The following BEND5 variants were observed in gnomAD, a reference collection of about 807,000 sequenced individuals.
The protein encoded by BEND5 is BEN domain-containing protein 5.
In BEND5, 22 loss-of-function variants were observed where a neutral mutation model predicts 43.9. That is an observed-to-expected ratio of 0.50 (90% CI 0.36 to 0.72). BEND5 has a LOEUF of 0.72. Among genes scored for constraint, BEND5 ranks in the 30% least tolerant of loss-of-function variants. The pLI, the probability that BEND5 is intolerant of heterozygous loss-of-function variation, is 0.00. For synonymous variants in BEND5, 228 were observed against 225.9 expected (o/e 1.01, Z -0.08); for missense variants, 428 against 550.6 (o/e 0.78, Z 2.23).
intron 1 of BEND5, 34 bp from the exon 2 acceptor site, chr1:48,761,504 T>G (rs1236580290): frequency 1.3e-6 from 2 of 1,538,524 alleles, no homozygotes; most frequent in Non-Finnish European, 1.8e-6. Context: ...AGGTTCATCA[T>G]GAGTTAAAAT....
At chr1:48,766,861 C>G (rs1405963099) in intron 1 of BEND5, among the ~76,000 whole-genome samples, 1 of 152,128 alleles carries the variant, frequency 6.6e-6, no homozygotes, top group Non-Finnish European at 1.5e-5. Context: ...TTTACTGTTC[C>G]TGTTTTGATT....
chr1:48,759,754 C>T (rs947216412), intron 2 of BEND5, among the ~76,000 whole-genome samples: 7 of 152,310 alleles, frequency 4.6e-5, no homozygotes, highest in Non-Finnish European at 1.0e-4. Flanking sequence ...TAAAATTCCT[C>T]CCCTAAAGGC....
chr1:48,743,965 A>G (rs1373002992), intron 3 of BEND5, among the ~76,000 whole-genome samples: 8 of 152,196 alleles, frequency 5.3e-5, no homozygotes, highest in Admixed American at 5.2e-4. Flanking sequence ...TAAGAATGAA[A>G]CTTGCACAAA....
intron 4 of BEND5, among the ~76,000 whole-genome samples, chr1:48,741,748 A>G (rs1649942272): frequency 6.6e-6 from 1 of 152,228 alleles, no homozygotes; most frequent in South Asian, 2.1e-4. Context: ...TTGAAGCATG[A>G]GGCAAGAAAA....
intron 1 of BEND5, among the ~76,000 whole-genome samples, chr1:48,763,580 A>C (rs1644384997): frequency 1.3e-5 from 2 of 152,110 alleles, no homozygotes; most frequent in Non-Finnish European, 2.9e-5. Flanking sequence ...AAGCTCCTGG[A>C]CTAGTCTTCA....
chr1:48,775,244 A>T (rs1645019814), intron 1 of BEND5, among the ~76,000 whole-genome samples: 1 of 152,150 alleles, frequency 6.6e-6, no homozygotes, highest in African/African-American at 2.4e-5. Flanking sequence ...AGAGCCTGTC[A>T]AAAAGGGTCC....
intron 3 of BEND5, among the ~76,000 whole-genome samples, chr1:48,750,639 ACAGGGCT>A (rs1172142185): frequency 2.0e-5 from 3 of 152,346 alleles, no homozygotes; most frequent in African/African-American, 7.2e-5. Flanking sequence ...CGTGCCTAGC[ACAGGGCT>A]CGGAACAGAG....
chr1:48,735,891 C>T (rs1274709754), intron 5 of BEND5, among the ~76,000 whole-genome samples: 2 of 152,148 alleles, frequency 1.3e-5, no homozygotes, highest in African/African-American at 2.4e-5. Flanking sequence ...CCTAGTCTGC[C>T]GTATTCTTCA....
intron 1 of BEND5, among the ~76,000 whole-genome samples, chr1:48,776,404 A>G (rs557344072): frequency 6.6e-6 from 1 of 152,350 alleles, no homozygotes; most frequent in South Asian, 2.1e-4. Flanking sequence ...CGGGGAAGAC[A>G]AAGGGGACCA....
intron 3 of BEND5, among the ~76,000 whole-genome samples, chr1:48,755,443 C>A (rs374075079): frequency 6.6e-6 from 1 of 152,186 alleles, no homozygotes; most frequent in African/African-American, 2.4e-5. Flanking sequence ...TTGAGCTAGG[C>A]CCCTAGCTGA....
chr1:48,771,902 G>C (rs913083442), intron 1 of BEND5, among the ~76,000 whole-genome samples: 1 of 152,230 alleles, frequency 6.6e-6, no homozygotes, highest in African/African-American at 2.4e-5. Context: ...AGTTGAGGGA[G>C]TGATAAAGAA....
chr1:48,761,067 C>T (rs1280952105), intron 2 of BEND5: 6 of 329,790 alleles, frequency 1.8e-5, no homozygotes, highest in East Asian at 5.5e-5. Flanking sequence ...AGAAACACAC[C>T]GTTCCAAACC....
intron 3 of BEND5, among the ~76,000 whole-genome samples, chr1:48,748,206 C>T (rs904509473): frequency 6.6e-6 from 1 of 152,136 alleles, no homozygotes; most frequent in East Asian, 1.9e-4. Context: ...AAGATGCCTC[C>T]GGAGCTGGGT....
chr1:48,729,686 G>A (rs1570380831), intron 5 of BEND5, among the ~76,000 whole-genome samples: 1 of 152,058 alleles, frequency 6.6e-6, no homozygotes, highest in Non-Finnish European at 1.5e-5. Context: ...TGGGCACAGA[G>A]CCAGCCAGTC....
chr1:48,754,384 G>C (rs1396064589), intron 3 of BEND5, among the ~76,000 whole-genome samples: 1 of 152,058 alleles, frequency 6.6e-6, no homozygotes, highest in African/African-American at 2.4e-5. Flanking sequence ...ACTCTGTCTT[G>C]TTCATTACGT....
intron 5 of BEND5, among the ~76,000 whole-genome samples, chr1:48,735,697 A>G (rs1460569249): frequency 6.6e-6 from 1 of 151,674 alleles, no homozygotes; most frequent in Non-Finnish European, 1.5e-5. Context: ...TCTAGTGACT[A>G]CCAGCTGGTC....
In BEND5 at chr1:48,776,799, G is replaced by T; in HGVS notation, c.33C>A (p.Asn11Lys). Reference sequence around the variant, plus strand: ...ACGACACGGGCAGCGCGTAGCAGACGTTGTCCTCCAGGAACCGCACAAAGG... The same window carrying T: ...ACGACACGGGCAGCGCGTAGCAGACTTTGTCCTCCAGGAACCGCACAAAGG... MYAFVRFLED[N>K]VCYALPVSCV... Residue 11 changes from asparagine (N) to lysine (K), a missense_variant, in exon 1 of 6, where the codon AAC (asparagine) becomes AAA (lysine). By Grantham distance (94) the Asn-to-Lys change is moderately conservative (BLOSUM62 0). Transcript: ENST00000371833. 6.6e-7 allele frequency: 1 copy of T among 1,524,288 alleles called. No homozygotes were observed. The highest frequency in any genetic ancestry group is 8.8e-7 in the Non-Finnish European group (1 of 1,136,562). 94.4% of individuals were successfully genotyped at this position (1,524,288 alleles called of 1,614,324 possible).
Position 48,755,953 on chromosome 1 carries a change from T to C in BEND5, c.745+2947A>G, listed in dbSNP as rs142345892. Among the ~76,000 whole-genome samples the C allele has an allele frequency of 2.5e-3, 378 of 152,334 alleles. 3 individuals carry two copies. The highest frequency in any genetic ancestry group is 8.5e-3 in the African/African-American group (353 of 41,576). The stretch of plus-strand genomic sequence containing the variant: ...TAAGAGGATACTGAGGCAGAGAAGT[T>C]AGTTAACCTGCCCAAGGTCATATAG... On this transcript the variant is annotated intron_variant, in intron 3 of 5. Transcript: ENST00000371833.
At chr1:48,752,530 C>G (rs893063562) in intron 3 of BEND5, among the ~76,000 whole-genome samples, 1 of 152,140 alleles carries the variant, frequency 6.6e-6, no homozygotes, top group African/African-American at 2.4e-5. Context: ...CAAGGGGAAA[C>G]AGGAAATCTC....
Sources: allele counts gnomAD v4.1 joint callset (sites outside exome capture counted in the v4.1 genomes callset), GRCh38; gene constraint gnomAD v4.1.1; transcripts MANE v1.5; gene names NCBI Gene and HGNC (gene_info 2026-07-23, HGNC 2026-07-21).